Variants in ADCY3 observed in about 807,000 individuals in gnomAD.
ADCY3 encodes the protein adenylate cyclase type 3.
In ADCY3, 70 loss-of-function variants were observed where a neutral mutation model predicts 119.4. The observed-to-expected ratio is 0.59, with a 90% CI of 0.48 to 0.72. The LOEUF is 0.72. Ranked by LOEUF, ADCY3 falls within the 30% of genes least tolerant of loss-of-function variation. The pLI, the probability that ADCY3 is intolerant of heterozygous loss-of-function variation, is 0.00. For synonymous variants in ADCY3, 672 were observed against 621.4 expected, an observed-to-expected ratio of 1.08 and a Z score of -1.21; for missense variants, 1,238 against 1,541.6, an observed-to-expected ratio of 0.80 and a Z score of 3.30.
chr2:24,827,945 G>A lies in ADCY3; in HGVS notation c.2389C>T (p.Pro797Ser), dbSNP rs775904787. The change falls in exon 14 of 22, where the codon CCC becomes TCC. Residue 797 changes from proline (P) to serine (S), a missense_variant. Physicochemically the swap from Pro to Ser is moderately conservative, Grantham distance 74. Around this residue, in one of 7 missense-constraint regions of ADCY3, gnomAD observed 499 missense variants for 571.0 expected, o/e 0.87. Coordinates refer to ENST00000679454, the MANE Select transcript of ADCY3 (RefSeq NM_004036.5). The stretch of plus-strand genomic sequence containing the variant: ...TTGTGGTCGTATTCATCAAAGACGG[G>A]ACGCCAGGCATAGAGGTTGATGGTG... ...VATINLYAWR[P>S]VFDEYDHKRF... 6.2e-7 allele frequency: 1 copy of A among 1,614,226 alleles called. No individual in the cohort carries two copies. The highest frequency in any genetic ancestry group is 2.2e-5 in the East Asian group (1 of 44,884).
intron 2 of ADCY3, among the ~76,000 whole-genome samples, chr2:24,901,368 C>T (rs1340108518): frequency 6.6e-6 from 1 of 152,140 alleles, no homozygotes; most frequent in African/African-American, 2.4e-5. Flanking sequence ...ATTTACATAA[C>T]TTAATTAAAT....
intron 2 of ADCY3, among the ~76,000 whole-genome samples, chr2:24,875,539 T>C (rs1675578213): frequency 6.6e-6 from 1 of 152,228 alleles, no homozygotes; most frequent in South Asian, 2.1e-4. Flanking sequence ...GAGCTGCGCT[T>C]GTGGTGGGAG....
chr2:24,825,554 TCA>T (rs1668497956), intron 16 of ADCY3: 1 of 155,640 alleles, frequency 6.4e-6, no homozygotes. Context: ...CAGGCTGGTC[TCA>T]GACTCCTGGA....
chr2:24,912,579 GTGTGTGCA>G (rs1663884875), intron 2 of ADCY3, among the ~76,000 whole-genome samples: 7 of 86,918 alleles, frequency 8.1e-5, no homozygotes, highest in African/African-American at 4.3e-4. Context: ...ATGTGTGTGT[GTGTGTGCA>G]TGTGTGTGTG....
chr2:24,849,350 AAT>A (rs1324318616), intron 3 of ADCY3, among the ~76,000 whole-genome samples: 1 of 152,120 alleles, frequency 6.6e-6, no homozygotes, highest in Non-Finnish European at 1.5e-5. Flanking sequence ...ACTGTCTACC[AAT>A]ACAGAACAAA....
chr2:24,843,791 G>A (rs564514580), intron 3 of ADCY3, among the ~76,000 whole-genome samples: 95 of 152,348 alleles, frequency 6.2e-4, no homozygotes, highest in African/African-American at 2.2e-3. Context: ...TGAACCATCC[G>A]CCTGGAAGCC....
In ADCY3 at chr2:24,831,381, C is replaced by T. The variant is rs147565740; in HGVS notation, c.2055+281G>A. Among the ~76,000 whole-genome samples, 481 of 152,328 alleles carry T rather than the reference C, an allele frequency of 3.2e-3. 2 individuals carry two copies. The highest frequency in any genetic ancestry group is 0.011 in the African/African-American group (470 of 41,584). ...CTCTCTACCCAGGTTCTTGTTTACC[C>T]AGACTCTGCCGTACTCATACGTGCT... On this transcript the variant is annotated intron_variant, in intron 12 of 21. Coordinates refer to ENST00000679454, the MANE Select transcript of ADCY3 (RefSeq NM_004036.5).
intron 11 of ADCY3, among the ~76,000 whole-genome samples, 183 bp from the exon 12 acceptor site, chr2:24,831,932 T>TGGCCAGG (rs572643276): frequency 0.62 from 51,655 of 82,830 alleles, 16,212 homozygotes; most frequent in East Asian, 0.83. Flanking sequence ...CAGCGGACAG[T>TGGCCAGG]GGCCAGGGGA....
At position 24,835,059 on chromosome 2, in the gene ADCY3, C is replaced by T. The variant is rs1408080947; in HGVS notation, c.1663-123G>A. On this transcript the variant is annotated intron_variant, in intron 9 of 21. Coordinates refer to ENST00000679454, the MANE Select transcript of ADCY3 (RefSeq NM_004036.5). ...GGCATACTCGGAGGACCAATCCCTCCAGCTCTAAAATCCCTTTCCGGGAAG... is the reference window on the plus strand; with the variant it reads ...GGCATACTCGGAGGACCAATCCCTCTAGCTCTAAAATCCCTTTCCGGGAAG... The T allele has an allele frequency of 1.3e-5, 17 of 1,285,942 alleles. No individual in the cohort carries two copies. In the East Asian group the frequency reaches 4.3e-4, roughly 32 times the overall value. 79.7% of individuals were successfully genotyped at this position (1,285,942 alleles called of 1,614,324 possible).
At position 24,834,417 on chromosome 2, in the gene ADCY3, G is replaced by GCCCCCCCCCCCCC; in HGVS notation, c.1967+67_1967+68insGGGGGGGGGGGGG. ...ATGTCAGGCTCCCGCTGAGACACCT[G>GCCCCCCCCCCCCC]CCCCCGCCCCCCGCCCGGCACCACC... On this transcript the variant is annotated intron_variant, in intron 11 of 21. Coordinates refer to ENST00000679454, the MANE Select transcript of ADCY3 (RefSeq NM_004036.5). This position sits in a 1 kb window ranked among gnomAD's most constrained non-coding sequence, Gnocchi z 4.2. 7.2e-7 allele frequency: 1 copy of GCCCCCCCCCCCCC among 1,395,356 alleles called. No individual in the cohort carries two copies. The highest frequency in any genetic ancestry group is 9.7e-7 in the Non-Finnish European group (1 of 1,029,078). The allele number at this position is 1,395,356 out of a possible 1,614,324, so 86.4% of individuals were successfully genotyped here.
intron 6 of ADCY3, 121 bp from the exon 7 acceptor site, chr2:24,840,152 A>G: frequency 7.4e-7 from 1 of 1,347,260 alleles, no homozygotes. Flanking sequence ...GGGGCCTGGC[A>G]AGGTCCCCAC....
intron 2 of ADCY3, among the ~76,000 whole-genome samples, chr2:24,897,830 G>T (rs1381041545): frequency 2.0e-5 from 3 of 152,146 alleles, no homozygotes; most frequent in Non-Finnish European, 2.9e-5. Flanking sequence ...ACCCGCTTCG[G>T]TGGCTCAGGT....
At chr2:24,865,558 G>A (rs1320808083) in intron 3 of ADCY3, among the ~76,000 whole-genome samples, 1 of 150,698 alleles carries the variant, frequency 6.6e-6, no homozygotes, top group African/African-American at 2.4e-5. Context: ...ACCTCTGAAA[G>A]GGTACATTAA....
In ADCY3 at chr2:24,918,463, AAAG is replaced by A; in HGVS notation, c.522_524del (p.Phe175del). ...GCAGCGTGATGAAGAAGGAGAAGAC[AAAG>A]AAGACCTGCCAGCCCACCGTGTCAC... is the stretch of plus-strand genomic sequence containing the variant. On this transcript the variant is annotated inframe_deletion, in exon 2 of 22. Coordinates refer to ENST00000679454, the MANE Select transcript of ADCY3 (RefSeq NM_004036.5). This position sits in a 1 kb window ranked among gnomAD's most constrained non-coding sequence, Gnocchi z 5.4. 1 of 1,614,036 alleles carries A rather than the reference AAAG, an allele frequency of 6.2e-7. No homozygotes were observed. Among genetic ancestry groups the A allele is most frequent in the Non-Finnish European group, 8.5e-7 (1 of 1,180,020 alleles).
intron 19 of ADCY3, 128 bp downstream of exon 19, chr2:24,822,382 GT>G: frequency 8.0e-7 from 1 of 1,253,504 alleles, no homozygotes; most frequent in Non-Finnish European, 1.1e-6. Flanking sequence ...TTATATTTAC[GT>G]GGTGCTGGTG....
chr2:24,885,466 C>T (rs1054653278), intron 2 of ADCY3, among the ~76,000 whole-genome samples: 22 of 152,338 alleles, frequency 1.4e-4, no homozygotes, highest in African/African-American at 4.6e-4. Context: ...CCCAACACGG[C>T]GCAGGTCCTC....
At position 24,878,456 on chromosome 2, in the gene ADCY3, G is replaced by T. The variant is rs768887691; in HGVS notation, c.676-5737C>A. On this transcript the variant is annotated intron_variant, in intron 2 of 21. Coordinates refer to ENST00000679454, the MANE Select transcript of ADCY3 (RefSeq NM_004036.5). This position sits in a 1 kb window ranked among gnomAD's most constrained non-coding sequence, Gnocchi z 4.0. ...CCTATAAGCTCATTCCAGCCTGAAG[G>T]TTCCAGAACACTCTGGAACTGTGGA... Among the ~76,000 whole-genome samples the T allele has an allele frequency of 1.3e-5, 2 of 152,116 alleles. No individual in the cohort carries two copies. The highest frequency in any genetic ancestry group is 1.9e-4 in the East Asian group (1 of 5,184).
intron 16 of ADCY3, chr2:24,825,749 G>T (rs938623041): frequency 2.4e-6 from 1 of 423,956 alleles, no homozygotes; most frequent in Non-Finnish European, 4.3e-6. Flanking sequence ...TGGCCTAGGG[G>T]ATATTGATTT....
At chr2:24,867,825 C>A (rs1674486747) in intron 3 of ADCY3, among the ~76,000 whole-genome samples, 1 of 152,026 alleles carries the variant, frequency 6.6e-6, no homozygotes, top group South Asian at 2.1e-4. Flanking sequence ...AAAATAATCA[C>A]AATAAGGACT....
Sources: allele counts gnomAD v4.1 joint callset (sites outside exome capture counted in the v4.1 genomes callset), GRCh38; gene constraint gnomAD v4.1.1; regional missense constraint gnomAD v4.1.1; non-coding constraint Gnocchi (gnomAD v3.1); transcripts MANE v1.5; gene names NCBI Gene and HGNC (gene_info 2026-07-23, HGNC 2026-07-21).